NXN: variants seen among roughly 807,000 people sequenced by gnomAD.
NXN encodes nucleoredoxin 1.
Under a neutral mutation model 48.6 loss-of-function variants are expected in NXN, and 16 were observed. The observed-to-expected ratio is 0.33, with a 90% CI of 0.22 to 0.50. The LOEUF (loss-of-function observed/expected upper bound fraction) is 0.50, where lower values mean the gene tolerates loss of function less well. Among genes scored for constraint, NXN ranks in the 20% least tolerant of loss-of-function variants. The pLI, the probability that NXN is intolerant of heterozygous loss-of-function variation, is 0.98. For missense variants in NXN, 492 were observed against 605.5 expected, an observed-to-expected ratio of 0.81 and a Z score of 1.97; for synonymous variants, 281 against 269.6, an observed-to-expected ratio of 1.04 and a Z score of -0.41.
Position 947,883 on chromosome 17 carries a change from CAAAAA to C in NXN, c.360+31431_360+31435del, listed in dbSNP as rs71145800. On this transcript the variant is annotated intron_variant, in intron 1 of 7. Transcript: ENST00000336868. ...GTGAAACTCCGTCTCTACTGAAATA[CAAAAA>C]AAAAAAAAAAAAATTAGCTGGATGT... Among the ~76,000 whole-genome samples the C allele has an allele frequency of 3.4e-5, 4 of 119,256 alleles. No individual in the cohort carries two copies. In the East Asian group the frequency reaches 7.5e-4, roughly 22 times the overall value. The allele number at this position is 119,256 out of a possible 152,430, so 78.2% of individuals were successfully genotyped here.
chr17:950,483 G>T (rs545747936), intron 1 of NXN, among the ~76,000 whole-genome samples: 1 of 151,332 alleles, frequency 6.6e-6, no homozygotes, highest in Admixed American at 6.6e-5. Flanking sequence ...GGCCAGCACA[G>T]TCATTTCATC....
intron 1 of NXN, among the ~76,000 whole-genome samples, chr17:877,631 G>A (rs1023705225): frequency 3.4e-4 from 52 of 152,142 alleles, no homozygotes; most frequent in African/African-American, 5.6e-4. Flanking sequence ...CAGGAAAAGC[G>A]CGATACTACT....
rs2067872823 is a variant in NXN, at chr17:847,173, CT to C, written c.361-21096del. Among the ~76,000 whole-genome samples the C allele has an allele frequency of 2.6e-5, 4 of 152,066 alleles. No individual in the cohort carries two copies. The South Asian group carries it at 8.3e-4, about 32-fold the overall frequency. On this transcript the variant is annotated intron_variant, in intron 1 of 7. Transcript: ENST00000336868. ...CTGTCCCCCCGCGGAGCCACTAGCA[CT>C]CGGCACAGCTCCCTTCTCAATTTCC...
chr17:853,259 C>A (rs1470390322), intron 1 of NXN, among the ~76,000 whole-genome samples: 1 of 152,134 alleles, frequency 6.6e-6, no homozygotes, highest in African/African-American at 2.4e-5. Context: ...GCCTGGCCAG[C>A]ACGGTGAAAC....
intron 1 of NXN, among the ~76,000 whole-genome samples, chr17:880,722 G>A (rs1234113111): frequency 2.0e-5 from 3 of 152,118 alleles, no homozygotes; most frequent in African/African-American, 7.2e-5. Context: ...AGAGGGGCTG[G>A]CCTTCTCCTA....
chr17:834,332 C>T (rs900892888), intron 1 of NXN, among the ~76,000 whole-genome samples: 3 of 152,164 alleles, frequency 2.0e-5, no homozygotes, highest in African/African-American at 4.8e-5. Flanking sequence ...AAAAGGGCTG[C>T]ACTGTCTGGC....
chr17:945,046 G>GC (rs1567513240), intron 1 of NXN, among the ~76,000 whole-genome samples: 3 of 152,096 alleles, frequency 2.0e-5, no homozygotes, highest in Admixed American at 6.5e-5. Flanking sequence ...AACATGCCAG[G>GC]CAAGTGCATG....
intron 1 of NXN, among the ~76,000 whole-genome samples, chr17:946,030 G>A (rs1306185299): frequency 6.6e-6 from 1 of 152,206 alleles, no homozygotes; most frequent in Non-Finnish European, 1.5e-5. Context: ...CTGGGGTAGA[G>A]AGGGAGAAGG....
intron 1 of NXN, among the ~76,000 whole-genome samples, chr17:944,216 A>G (rs1567512919): frequency 6.6e-6 from 1 of 152,240 alleles, no homozygotes; most frequent in Non-Finnish European, 1.5e-5. Context: ...TCCAGCCTGG[A>G]AAACAAGAGC....
At chr17:838,177 G>A (rs910632388) in intron 1 of NXN, among the ~76,000 whole-genome samples, 3 of 119,428 alleles carry the variant, frequency 2.5e-5, no homozygotes, top group Admixed American at 1.9e-4. Context: ...TGTCGCCCAG[G>A]CTGGAGTGCA....
chr17:868,655 A>C (rs997873701), intron 1 of NXN, among the ~76,000 whole-genome samples: 6 of 151,712 alleles, frequency 4.0e-5, no homozygotes, highest in Non-Finnish European at 7.4e-5. Context: ...CCACGCCCGG[A>C]TCATTTTTTT....
chr17:901,626 T>C (rs960830391), intron 1 of NXN, among the ~76,000 whole-genome samples: 14 of 152,182 alleles, frequency 9.2e-5, no homozygotes, highest in African/African-American at 3.4e-4. Flanking sequence ...TAAATCTAAA[T>C]CTAAATCGAT....
At chr17:939,312 C>A (rs1453999419) in intron 1 of NXN, among the ~76,000 whole-genome samples, 2 of 150,842 alleles carry the variant, frequency 1.3e-5, no homozygotes, top group Non-Finnish European at 2.9e-5. Flanking sequence ...CAGATAGATA[C>A]AGCAAAATAC....
At chr17:806,752 T>C (rs1043110675) in intron 5 of NXN, among the ~76,000 whole-genome samples, 1 of 152,150 alleles carries the variant, frequency 6.6e-6, no homozygotes, top group African/African-American at 2.4e-5. Context: ...GGCCCTCGTG[T>C]TTCGTACCCT....
chr17:934,043 G>T (rs1437956959), intron 1 of NXN, among the ~76,000 whole-genome samples: 2 of 152,184 alleles, frequency 1.3e-5, no homozygotes, highest in Non-Finnish European at 2.9e-5. Flanking sequence ...TTTTTAAAAA[G>T]GCATTTTATT....
chr17:823,802 C>G, intron 2 of NXN, 37 bp from the exon 3 acceptor site: 1 of 1,612,536 alleles, frequency 6.2e-7, no homozygotes, highest in Non-Finnish European at 8.5e-7. Flanking sequence ...AGGGCTTAGA[C>G]CCTTCTTGAT....
At chr17:887,676 ATTTTTCCATTC>A (rs1567849334) in intron 1 of NXN, among the ~76,000 whole-genome samples, 3 of 151,702 alleles carry the variant, frequency 2.0e-5, no homozygotes, top group Non-Finnish European at 4.4e-5. Context: ...ACATGACCCC[ATTTTTCCATTC>A]GCTCCATGTC....
At chr17:882,846 T>C (rs2068300839) in intron 1 of NXN, among the ~76,000 whole-genome samples, 1 of 152,088 alleles carries the variant, frequency 6.6e-6, no homozygotes, top group African/African-American at 2.4e-5. Context: ...TGCTGCAACC[T>C]CTGTCTCCCG....
intron 1 of NXN, among the ~76,000 whole-genome samples, chr17:862,995 T>C (rs1185816701): frequency 6.6e-6 from 1 of 152,190 alleles, no homozygotes; most frequent in Non-Finnish European, 1.5e-5. Flanking sequence ...TGAAATATCA[T>C]GATAAATATA....
Sources: gnomAD v4.1 joint callset for allele counts (sites outside exome capture counted in the v4.1 genomes callset) on GRCh38, gnomAD v4.1.1 for gene constraint, MANE v1.5 for transcripts, NCBI Gene and HGNC (gene_info 2026-07-23, HGNC 2026-07-21) for gene names.